SYCP1: variants seen among roughly 807,000 people sequenced by gnomAD.
SYCP1 encodes cancer/testis antigen 8.
SYCP1 carries 64 observed loss-of-function variants against 153.1 expected under a neutral mutation model. The ratio of observed to expected loss-of-function variants is 0.42; its 90% CI spans 0.34 to 0.51. The LOEUF (loss-of-function observed/expected upper bound fraction) is 0.51, where lower values mean the gene tolerates loss of function less well. SYCP1 is among the 20% of genes least tolerant of loss of function. The pLI, the probability that SYCP1 is intolerant of heterozygous loss-of-function variation, is 0.06. For synonymous variants in SYCP1, 384 were observed against 341.8 expected (o/e 1.12, Z -1.36); for missense variants, 997 against 1,049.0 (o/e 0.95, Z 0.68).
chr1:114,904,034 C>A (rs556776432), intron 16 of SYCP1, among the ~76,000 whole-genome samples: 6 of 151,952 alleles, frequency 3.9e-5, no homozygotes, highest in African/African-American at 1.4e-4. Context: ...ATTCCTCCAA[C>A]TTTATTATTC....
At chr1:114,904,763 C>T (rs954714907) in intron 16 of SYCP1, among the ~76,000 whole-genome samples, 2 of 152,148 alleles carry the variant, frequency 1.3e-5, no homozygotes, top group Non-Finnish European at 2.9e-5. Flanking sequence ...CAGTGGTGAG[C>T]TTGTAAATCT....
rs772498847 is a variant in SYCP1, at chr1:114,910,497, G to A, written c.1421G>A (p.Arg474Lys). 11 of 1,548,198 alleles carry A rather than the reference G, an allele frequency of 7.1e-6. No homozygotes were observed. The South Asian group carries it at 1.4e-4, about 20-fold the overall frequency. ...EQELIGLLQAREKEVHDLEIQ... is the reference protein window; with the variant it reads ...EQELIGLLQAKEKEVHDLEIQ... ...GAACTAATTGGTCTTCTCCAAGCCA[G>A]AGAGGTTTGTTTAAGGAAACATTTT... The change falls in exon 17 of 32, where the codon AGA becomes AAA. Residue 474 changes from arginine to lysine, a missense_variant. This residue lies in a region of SYCP1 where 712 missense variants were observed against 682.9 expected (regional missense o/e 1.04). Transcript: ENST00000369522.
chr1:114,974,918 GTGAC>G (rs769692167), intron 27 of SYCP1, among the ~76,000 whole-genome samples: 1 of 151,736 alleles, frequency 6.6e-6, no homozygotes, highest in Non-Finnish European at 1.5e-5. Context: ...ATTGGCTGTA[GTGAC>G]TGTACCATTT....
intron 27 of SYCP1, among the ~76,000 whole-genome samples, chr1:114,977,026 T>C (rs1346354980): frequency 6.6e-6 from 1 of 151,790 alleles, no homozygotes; most frequent in African/African-American, 2.4e-5. Context: ...TTCTTTTATC[T>C]TACTGAATAA....
intron 20 of SYCP1, among the ~76,000 whole-genome samples, chr1:114,915,934 G>C (rs1668482775): frequency 1.3e-5 from 2 of 152,170 alleles, no homozygotes; most frequent in South Asian, 4.1e-4. Flanking sequence ...CCTGCCTGCA[G>C]GATGGCTACT....
At chr1:114,966,369 T>C (rs946469645) in intron 27 of SYCP1, among the ~76,000 whole-genome samples, 7 of 152,216 alleles carry the variant, frequency 4.6e-5, no homozygotes, top group Non-Finnish European at 5.9e-5. Flanking sequence ...ATCTTAATTA[T>C]TTCTTGTCTT....
intron 20 of SYCP1, among the ~76,000 whole-genome samples, chr1:114,914,386 GTATT>G (rs1668381251): frequency 6.6e-6 from 1 of 151,066 alleles, no homozygotes. Context: ...TAATACTAGA[GTATT>G]TATACCCACT....
intron 16 of SYCP1, 69 bp downstream of exon 16, chr1:114,895,578 T>C (rs1352518622): frequency 2.5e-6 from 2 of 806,604 alleles, no homozygotes; most frequent in Non-Finnish European, 3.7e-6. Context: ...CCTTAACTTA[T>C]AGACTCTCAC....
chr1:114,989,653 T>G (rs1263059239), intron 30 of SYCP1, among the ~76,000 whole-genome samples: 2 of 151,818 alleles, frequency 1.3e-5, no homozygotes, highest in African/African-American at 4.8e-5. Flanking sequence ...TGATAAAACG[T>G]GAAAGAATGG....
chr1:114,903,826 A>G (rs1230248820), intron 16 of SYCP1, among the ~76,000 whole-genome samples: 1 of 152,186 alleles, frequency 6.6e-6, no homozygotes, highest in Non-Finnish European at 1.5e-5. Context: ...GGATGACATT[A>G]CCATTTGTTT....
chr1:114,910,462 A>G lies in SYCP1; in HGVS notation c.1386A>G (p.Gly462=). The G allele has an allele frequency of 6.2e-7, 1 of 1,602,810 alleles. No individual in the cohort carries two copies. The highest frequency in any genetic ancestry group is 2.3e-5 in the East Asian group (1 of 44,106). Residue 462 remains glycine (G), a synonymous_variant, in exon 17 of 32, where the codon GGA becomes GGG. Transcript: ENST00000369522. ...QFEKIAEELK[G]TEQELIGLLQ... is the part of the protein sequence containing the mutation. ...AGAAGATTGCTGAAGAATTAAAAGG[A>G]ACAGAACAAGAACTAATTGGTCTTC... is the stretch of plus-strand genomic sequence containing the variant.
At chr1:114,908,338 G>A (rs1462088210) in intron 16 of SYCP1, among the ~76,000 whole-genome samples, 1 of 152,086 alleles carries the variant, frequency 6.6e-6, no homozygotes, top group African/African-American at 2.4e-5. Flanking sequence ...TCAGCAGTAT[G>A]TAAGTGAAGT....
At chr1:114,899,094 T>C (rs1411845428) in intron 16 of SYCP1, among the ~76,000 whole-genome samples, 1 of 152,228 alleles carries the variant, frequency 6.6e-6, no homozygotes, top group East Asian at 1.9e-4. Flanking sequence ...GTCAAAGCCT[T>C]GGTAAAACAA....
chr1:114,951,900 C>T (rs1671133468), intron 27 of SYCP1, among the ~76,000 whole-genome samples: 1 of 152,052 alleles, frequency 6.6e-6, no homozygotes, highest in African/African-American at 2.4e-5. Flanking sequence ...ACTATGTAAC[C>T]TTTGTTACAG....
At chr1:114,984,472 A>G (rs546493518) in intron 29 of SYCP1, among the ~76,000 whole-genome samples, 82 of 151,978 alleles carry the variant, frequency 5.4e-4, no homozygotes, top group African/African-American at 1.7e-3. Context: ...TCTCTTTCTT[A>G]TTTTCTTCAG....
At chr1:114,898,985 G>T (rs1444201064) in intron 16 of SYCP1, among the ~76,000 whole-genome samples, 2 of 152,182 alleles carry the variant, frequency 1.3e-5, no homozygotes, top group Non-Finnish European at 2.9e-5. Context: ...CCCTGTATGG[G>T]GCTGTGCAGA....
At chr1:114,981,998 A>G (rs545736520) in intron 29 of SYCP1, among the ~76,000 whole-genome samples, 5 of 152,032 alleles carry the variant, frequency 3.3e-5, no homozygotes, top group Non-Finnish European at 7.4e-5. Context: ...CTTGGAGCAG[A>G]TGCCTCTAGC....
chr1:114,874,701 T>C, intron 9 of SYCP1, 137 bp downstream of exon 9: 1 of 530,420 alleles, frequency 1.9e-6, no homozygotes, highest in Non-Finnish European at 3.2e-6. Flanking sequence ...GTATCACTAA[T>C]AAAATTCCTA....
At chr1:114,904,259 G>A (rs1273637747) in intron 16 of SYCP1, among the ~76,000 whole-genome samples, 1 of 151,832 alleles carries the variant, frequency 6.6e-6, no homozygotes, top group African/African-American at 2.4e-5. Context: ...TGGGACTACA[G>A]GTGCCCACCA....
Sources: gnomAD v4.1 joint callset for allele counts (sites outside exome capture counted in the v4.1 genomes callset) on GRCh38, gnomAD v4.1.1 for gene constraint, gnomAD v4.1.1 regional missense constraint, MANE v1.5 for transcripts, NCBI Gene and HGNC (gene_info 2026-07-23, HGNC 2026-07-21) for gene names.